The following SMTNL2 variants were observed in gnomAD, a reference collection of about 807,000 sequenced individuals.
The protein encoded by SMTNL2 is smoothelin-like protein 2.
A neutral mutation model predicts 44.1 loss-of-function variants in SMTNL2; 43 were observed. That is an observed-to-expected ratio of 0.98 (90% CI 0.76 to 1.26). SMTNL2 has a LOEUF of 1.26. Among genes scored for constraint, SMTNL2 ranks in the 50% most tolerant of loss-of-function variants. SMTNL2 has a pLI of 0.00. For synonymous variants in SMTNL2, 317 were observed against 287.6 expected, an observed-to-expected ratio of 1.10 and a Z score of -1.03; for missense variants, 646 against 670.2, an observed-to-expected ratio of 0.96 and a Z score of 0.40.
intron 7 of SMTNL2, among the ~76,000 whole-genome samples, chr17:4,599,857 G>A (rs757676614): frequency 3.9e-5 from 6 of 152,218 alleles, no homozygotes; most frequent in Admixed American, 2.6e-4. Flanking sequence ...GCTGGTCCAG[G>A]TTTTGCCTTC....
rs530073357 is a variant in SMTNL2 at position 4,605,696 on chromosome 17, C to T, written c.1260-1665C>T. ...GATGGGAAAAAAAATAGACTGGAGA[C>T]CCCTGGAACTACAAAAGTACACACA... On this transcript the variant is annotated intron_variant, in intron 7 of 7. Transcript: ENST00000389313. Among the ~76,000 whole-genome samples the T allele has an allele frequency of 3.3e-5, 5 of 152,218 alleles. No homozygotes were observed. In the East Asian group the frequency reaches 9.6e-4, roughly 29 times the overall value.
At chr17:4,604,529 TG>T (rs1419366860) in intron 7 of SMTNL2, among the ~76,000 whole-genome samples, 3 of 152,006 alleles carry the variant, frequency 2.0e-5, no homozygotes, top group African/African-American at 7.2e-5. Context: ...CGTGCCAAAC[TG>T]GGATGGGTCA....
chr17:4,601,862 C>T (rs1910048057), intron 7 of SMTNL2, among the ~76,000 whole-genome samples: 1 of 152,056 alleles, frequency 6.6e-6, no homozygotes, highest in South Asian at 2.1e-4. Context: ...TTTACAAAAG[C>T]AGTTGTTGTT....
At position 4,593,126 on chromosome 17, in the gene SMTNL2, C is replaced by G. The variant is rs1189297769; in HGVS notation, c.685C>G (p.Pro229Ala). ...MSAATLGGLN[P>A]SPSEVITPWT... ...TGCTGCCACCCTGGGGGGCCTCAAC[C>G]CAAGCCCCAGCGAGGTCATCACGCC... is the stretch of plus-strand genomic sequence containing the variant. The change falls in exon 3 of 8, where the codon CCA (proline) becomes GCA (alanine). Residue 229 changes from proline to alanine, a missense_variant. Coordinates refer to ENST00000389313, the MANE Select transcript of SMTNL2 (RefSeq NM_001114974.2). The G allele has an allele frequency of 6.2e-6, 10 of 1,612,408 alleles. No individual in the cohort carries two copies. The highest frequency in any genetic ancestry group is 3.3e-5 in the Admixed American group (2 of 59,980).
intron 1 of SMTNL2, among the ~76,000 whole-genome samples, chr17:4,587,462 C>T (rs1031902848): frequency 2.6e-5 from 4 of 152,204 alleles, no homozygotes; most frequent in Admixed American, 6.5e-5. Flanking sequence ...GTGACCAGCA[C>T]GATGTGATCA....
intron 7 of SMTNL2, among the ~76,000 whole-genome samples, chr17:4,599,015 T>G (rs4790207): frequency 0.26 from 39,319 of 152,084 alleles, 6,086 homozygotes; most frequent in Middle Eastern, 0.35. Context: ...GAGGGTCTTG[T>G]AACCTGCACT....
chr17:4,607,509 A>G lies in SMTNL2; in HGVS notation c.*22A>G. 1 of 1,612,542 alleles carries G rather than the reference A, an allele frequency of 6.2e-7. No individual in the cohort carries two copies. Among genetic ancestry groups the G allele is most frequent in the Non-Finnish European group, 8.5e-7 (1 of 1,178,780 alleles). On this transcript the variant is annotated 3_prime_UTR_variant, in exon 8 of 8. Coordinates refer to ENST00000389313, the MANE Select transcript of SMTNL2 (RefSeq NM_001114974.2). This position sits in a 1 kb window ranked among gnomAD's most constrained non-coding sequence, Gnocchi z 4.7. Reference sequence around the variant, plus strand: ...GTAAAGCCCCTGAGCCTGGATTGCCAAAGAGCAGCCCCAGGAAGAGGCCGG... The same window carrying G: ...GTAAAGCCCCTGAGCCTGGATTGCCGAAGAGCAGCCCCAGGAAGAGGCCGG...
chr17:4,605,085 C>T (rs536722192), intron 7 of SMTNL2, among the ~76,000 whole-genome samples: 1 of 152,098 alleles, frequency 6.6e-6, no homozygotes, highest in South Asian at 2.1e-4. Flanking sequence ...CTGTGATCCA[C>T]CCTGCTTCTT....
chr17:4,593,449 C>T (rs1030585408), intron 3 of SMTNL2, among the ~76,000 whole-genome samples: 1 of 152,238 alleles, frequency 6.6e-6, no homozygotes, highest in African/African-American at 2.4e-5. Flanking sequence ...ACTGTCCCCT[C>T]CCTCAAGGCC....
chr17:4,598,938 G>A lies in SMTNL2; in HGVS notation c.1259+1615G>A, dbSNP rs117897722. On this transcript the variant is annotated intron_variant, in intron 7 of 7. Transcript: ENST00000389313. The surrounding 1 kb of genome is among the most constrained non-coding windows in gnomAD (Gnocchi z 4.8). ...GCCCAACCACCAACCACCTGGCCCC[G>A]GCCCCAGCCCCGGCCCTGGCCCACC... Among the ~76,000 whole-genome samples the A allele has an allele frequency of 0.012, 1,760 of 152,010 alleles. 21 individuals carry two copies. The highest frequency in any genetic ancestry group is 0.019 in the Non-Finnish European group (1,281 of 67,946).
chr17:4,589,135 C>T (rs1219355369), intron 1 of SMTNL2, among the ~76,000 whole-genome samples: 5 of 152,154 alleles, frequency 3.3e-5, no homozygotes, highest in Non-Finnish European at 5.9e-5. Context: ...GTGATCTAAC[C>T]AGGATAGAAC....
intron 1 of SMTNL2, among the ~76,000 whole-genome samples, chr17:4,585,649 AG>A (rs1909317580): frequency 6.6e-6 from 1 of 152,254 alleles, no homozygotes; most frequent in Admixed American, 6.5e-5. Flanking sequence ...ACGTGGGGAT[AG>A]GGCGGAGGCC....
rs751754028 is a variant in SMTNL2 at position 4,597,277 on chromosome 17, C to A, written c.1213C>A (p.Pro405Thr). 22 of 1,614,154 alleles carry A rather than the reference C, an allele frequency of 1.4e-5. No individual in the cohort carries two copies. Among genetic ancestry groups the A allele is most frequent in the Non-Finnish European group, 1.9e-5 (22 of 1,180,002 alleles). Residue 405 changes from proline (P) to threonine (T), a missense_variant, in exon 7 of 8, where the codon CCC (proline) becomes ACC (threonine). By Grantham distance (38) the Pro-to-Thr change is conservative. Transcript: ENST00000389313. ...PDAFDYNSLS[P>T]TQRQKNFELA... Reference sequence around the variant, plus strand: ...TGCCTTTGACTACAACTCCCTGAGCCCCACGCAGAGGCAGAAGAACTTCGA... The same window carrying A: ...TGCCTTTGACTACAACTCCCTGAGCACCACGCAGAGGCAGAAGAACTTCGA...
chr17:4,590,516 A>G (rs1236288515), intron 1 of SMTNL2, among the ~76,000 whole-genome samples: 1 of 151,816 alleles, frequency 6.6e-6, no homozygotes, highest in Non-Finnish European at 1.5e-5. Flanking sequence ...CAGACTCAAA[A>G]ATCCAGCTAC....
chr17:4,595,166 CCA>C lies in SMTNL2; in HGVS notation c.829_830del (p.Gln277ValfsTer43). On this transcript the variant is annotated frameshift_variant, in exon 5 of 8. Transcript: ENST00000389313. LOFTEE classifies it high-confidence loss of function. This position sits in a 1 kb window ranked among gnomAD's most constrained non-coding sequence, Gnocchi z 5.1. ...SNSPPLVTPPQSPVSPQPPAI... is the reference protein window; with the variant it reads ...SNSPPLVTPPXSPVSPQPPAI... ...TCAGCCCACCGCTGGTGACACCACC[CCA>C]GTCGCCCGTGTCCCCGCAGCCGCCA... 2.5e-6 allele frequency: 4 copies of C among 1,613,182 alleles called. No homozygotes were observed. The highest frequency in any genetic ancestry group is 1.1e-5 in the South Asian group (1 of 91,082).
At chr17:4,605,867 A>G (rs1359893641) in intron 7 of SMTNL2, among the ~76,000 whole-genome samples, 2 of 152,160 alleles carry the variant, frequency 1.3e-5, no homozygotes, top group East Asian at 3.9e-4. Flanking sequence ...CAGGGGGCGC[A>G]GGGCTGGGCA....
chr17:4,587,772 A>G (rs1230796992), intron 1 of SMTNL2, among the ~76,000 whole-genome samples: 1 of 152,240 alleles, frequency 6.6e-6, no homozygotes, highest in Non-Finnish European at 1.5e-5. Flanking sequence ...TCTCCAATAT[A>G]TAAATGTCCC....
intron 7 of SMTNL2, among the ~76,000 whole-genome samples, chr17:4,605,905 G>A (rs1910254531): frequency 6.6e-6 from 1 of 152,152 alleles, no homozygotes; most frequent in Non-Finnish European, 1.5e-5. Flanking sequence ...TGTTATTTCA[G>A]GACTCGCTGC....
At chr17:4,601,969 T>A (rs1484475074) in intron 7 of SMTNL2, among the ~76,000 whole-genome samples, 2 of 152,204 alleles carry the variant, frequency 1.3e-5, no homozygotes, top group African/African-American at 2.4e-5. Flanking sequence ...CTTTTTCTGC[T>A]GTCTCCCGAG....
Sources: allele counts gnomAD v4.1 joint callset (sites outside exome capture counted in the v4.1 genomes callset), GRCh38; gene constraint gnomAD v4.1.1; non-coding constraint Gnocchi (gnomAD v3.1); transcripts MANE v1.5; gene names NCBI Gene and HGNC (gene_info 2026-07-23, HGNC 2026-07-21).